The following GUCD1 variants were observed in gnomAD, a reference collection of about 807,000 sequenced individuals.
The protein encoded by GUCD1 is protein GUCD1.
Under a neutral mutation model 28.3 loss-of-function variants are expected in GUCD1, and 17 were observed. That is an observed-to-expected ratio of 0.60 (90% confidence interval 0.41 to 0.90). The LOEUF (loss-of-function observed/expected upper bound fraction) is 0.90. Ranked by LOEUF, GUCD1 falls within the 40% of genes least tolerant of loss-of-function variation. GUCD1 has a pLI of 0.00. For synonymous variants in GUCD1, 129 were observed against 123.3 expected (o/e 1.05, Z -0.30); for missense variants, 279 against 305.5 (o/e 0.91, Z 0.65).
upstream of GUCD1, chr22:24,555,407 C>A: frequency 1.6e-6 from 2 of 1,224,380 alleles, no homozygotes; most frequent in South Asian, 1.6e-5. Flanking sequence ...TGAATAGAGG[C>A]TCGTCCCTTC....
At chr22:24,547,048 G>T in intron 3 of GUCD1, 43 bp from the exon 4 acceptor site, 1 of 1,437,744 alleles carries the variant, frequency 7.0e-7, no homozygotes, top group Non-Finnish European at 9.8e-7. Context: ...CACCCAGGCT[G>T]CCTTCACTCC....
At position 24,542,357 on chromosome 22, in the gene GUCD1, G is replaced by C. The variant is rs2044614591; in HGVS notation, c.*649C>G. ...AGAGCTGGAGGACCTGGAGGGCTGT[G>C]GGGGCTTTAAGAGTCTCCAGCGGCC... is the stretch of plus-strand genomic sequence containing the variant. On this transcript the variant is annotated 3_prime_UTR_variant, in exon 6 of 6. Transcript: ENST00000435822. 6.6e-6 allele frequency: 1 copy of C among 152,402 alleles called. No homozygotes were observed. Among genetic ancestry groups the C allele is most frequent in the Non-Finnish European group, 1.5e-5 (1 of 68,192 alleles). The allele number at this position is 152,402 out of a possible 1,614,324, so 9.4% of individuals were successfully genotyped here. A position where few individuals can be genotyped will look rare whatever the true frequency, so the allele number is the denominator to read the frequency against.
At position 24,544,006 on chromosome 22, in the gene GUCD1, A is replaced by G; in HGVS notation, c.464T>C (p.Leu155Pro). The stretch of plus-strand genomic sequence containing the variant: ...AGGGCTGGAGCACAGGTCACAGTGC[A>G]GCACCCCCGAGTTCACCAGCACGAT... ...VAIVLVNSGV[L>P]HCDLCSSPVK... Residue 155 changes from leucine (L) to proline (P), a missense_variant, in exon 5 of 6, where the codon CTG (leucine) becomes CCG (proline). Transcript: ENST00000435822. 6.2e-7 allele frequency: 1 copy of G among 1,613,538 alleles called. No homozygotes were observed. The highest frequency in any genetic ancestry group is 8.5e-7 in the Non-Finnish European group (1 of 1,179,668).
upstream of GUCD1, chr22:24,555,146 C>T (rs569192874): frequency 1.5e-6 from 2 of 1,306,096 alleles, no homozygotes; most frequent in South Asian, 2.3e-5. Flanking sequence ...GCTGGGCCGC[C>T]CCAAGCGCCG....
intron 1 of GUCD1, among the ~76,000 whole-genome samples, chr22:24,552,994 T>C (rs1340941279): frequency 1.3e-5 from 2 of 152,074 alleles, no homozygotes; most frequent in African/African-American, 4.8e-5. Flanking sequence ...CCTCACTGTT[T>C]GCTAGGCTCT....
rs771630418 is a variant in GUCD1, at chr22:24,547,026, T to C, written c.295-21A>G. Reference sequence around the variant, plus strand: ...AAGGACTGAACAGAGAAGAGGGGGATGGAGTGGCCACCACCCAGGCTGCCT... The same window carrying C: ...AAGGACTGAACAGAGAAGAGGGGGACGGAGTGGCCACCACCCAGGCTGCCT... On this transcript the variant is annotated intron_variant, in intron 3 of 5. Transcript: ENST00000435822. 17 of 1,588,252 alleles carry C rather than the reference T, an allele frequency of 1.1e-5. No individual in the cohort carries two copies. In the African/African-American group the frequency reaches 1.1e-4, roughly 10 times the overall value.
At chr22:24,554,920 G>A (rs1236124445) in intron 1 of GUCD1, 29 bp downstream of exon 1, 1 of 1,535,550 alleles carries the variant, frequency 6.5e-7, no homozygotes. Context: ...TTCCTAGGGT[G>A]AAGACTGGGC....
chr22:24,549,048 C>T, intron 1 of GUCD1, 47 bp from the exon 2 acceptor site: 1 of 1,340,318 alleles, frequency 7.5e-7, no homozygotes. Flanking sequence ...GCAGAGCCCA[C>T]CACTCCCACC....
chr22:24,545,384 G>A (rs952337119), intron 4 of GUCD1, among the ~76,000 whole-genome samples: 2 of 152,216 alleles, frequency 1.3e-5, no homozygotes, highest in South Asian at 4.1e-4. Flanking sequence ...AGGCTTCAAG[G>A]AATAACAAGC....
chr22:24,548,498 GAA>G (rs2044786957), intron 2 of GUCD1, among the ~76,000 whole-genome samples: 1 of 152,228 alleles, frequency 6.6e-6, no homozygotes, highest in Admixed American at 6.5e-5. Context: ...GAAGCCAAAT[GAA>G]AAACTCTTGT....
At position 24,544,044 on chromosome 22, in the gene GUCD1, C is replaced by A. The variant is rs55965927; in HGVS notation, c.426G>T (p.Gln142His). Residue 142 changes from glutamine to histidine, a missense_variant, in exon 5 of 6, where the codon CAG (glutamine) becomes CAT (histidine). Transcript: ENST00000435822. ...TCACCAGCACGATGGCCACATGGCCCTGAGCCAGGTGCGCCTGGATGTCCT... is the reference window on the plus strand; with the variant it reads ...TCACCAGCACGATGGCCACATGGCCATGAGCCAGGTGCGCCTGGATGTCCT... ...SVKDIQAHLA[Q>H]GHVAIVLVNS... is the part of the protein sequence containing the mutation. 42 of 1,612,844 alleles carry A rather than the reference C, an allele frequency of 2.6e-5. No homozygotes were observed. The highest frequency in any genetic ancestry group is 3.5e-5 in the Non-Finnish European group (41 of 1,179,228).
upstream of GUCD1, chr22:24,555,459 CTAGGT>C (rs2045033236): frequency 8.7e-7 from 1 of 1,152,186 alleles, no homozygotes; most frequent in African/African-American, 1.5e-5. Context: ...TTTGCCAGTC[CTAGGT>C]GTAAGCCCTG....
rs1035902377 is a variant in GUCD1 at position 24,541,484 on chromosome 22, G to T, written c.*1522C>A. 1 of 152,272 alleles carries T rather than the reference G, an allele frequency of 6.6e-6. No individual in the cohort carries two copies. The highest frequency in any genetic ancestry group is 2.4e-5 in the African/African-American group (1 of 41,466). 9.4% of individuals were successfully genotyped at this position (152,272 alleles called of 1,614,324 possible). ...CTCTACTAAAAATACAAAAAAATTA[G>T]CCGGGCATGGTGGCATGTGCCTGTA... is the stretch of plus-strand genomic sequence containing the variant. On this transcript the variant is annotated 3_prime_UTR_variant, in exon 6 of 6. Transcript: ENST00000435822.
upstream of GUCD1, chr22:24,555,650 G>A: frequency 1.2e-5 from 19 of 1,550,658 alleles, no homozygotes; most frequent in Non-Finnish European, 1.7e-5. Context: ...AAATTGTGAC[G>A]GGAAGTCCTG....
At chr22:24,544,227 C>T (rs2044668672) in intron 4 of GUCD1, 144 bp from the exon 5 acceptor site, 3 of 1,191,270 alleles carry the variant, frequency 2.5e-6, no homozygotes, top group South Asian at 3.0e-5. Flanking sequence ...TGCTCTGTCA[C>T]TGTGGCCCAG....
chr22:24,543,827 C>T lies in GUCD1; in HGVS notation c.628+15G>A. The T allele has an allele frequency of 5.0e-6, 8 of 1,612,218 alleles. No homozygotes were observed. Among genetic ancestry groups the T allele is most frequent in the Non-Finnish European group, 6.8e-6 (8 of 1,178,802 alleles). ...TGTGGACCACTCTGCCTCACCCACCCCACCCAGCACTCACGGTCGGCATAG... is the reference window on the plus strand; with the variant it reads ...TGTGGACCACTCTGCCTCACCCACCTCACCCAGCACTCACGGTCGGCATAG... On this transcript the variant is annotated intron_variant, in intron 5 of 5. Coordinates refer to ENST00000435822, the MANE Select transcript of GUCD1 (RefSeq NM_001284254.2).
intron 4 of GUCD1, among the ~76,000 whole-genome samples, chr22:24,546,422 C>T (rs762634873): frequency 7.9e-5 from 12 of 152,158 alleles, no homozygotes; most frequent in African/African-American, 7.2e-5. Flanking sequence ...AGAATGTGAC[C>T]CACATCTGGG....
upstream of GUCD1, chr22:24,555,401 T>G: frequency 2.5e-6 from 3 of 1,199,436 alleles, no homozygotes; most frequent in South Asian, 3.3e-5. Flanking sequence ...ATTTCCTGAA[T>G]AGAGGCTCGT....
intron 1 of GUCD1, among the ~76,000 whole-genome samples, chr22:24,549,793 TA>T (rs1401044969): frequency 1.3e-5 from 2 of 152,154 alleles, no homozygotes; most frequent in Non-Finnish European, 2.9e-5. Flanking sequence ...GTGCTGGGAT[TA>T]CAGGCGTGAG....
Sources: allele counts gnomAD v4.1 joint callset (sites outside exome capture counted in the v4.1 genomes callset), GRCh38; gene constraint gnomAD v4.1.1; transcripts MANE v1.5; gene names NCBI Gene and HGNC (gene_info 2026-07-23, HGNC 2026-07-21).